RBM6: variants seen among roughly 807,000 people sequenced by gnomAD.
The protein encoded by RBM6 is RNA-binding protein 6.
RBM6 carries 23 observed loss-of-function variants against 140.4 expected under a neutral mutation model. That is an observed-to-expected ratio of 0.16 (90% CI 0.12 to 0.23). The LOEUF (loss-of-function observed/expected upper bound fraction) is 0.23, where lower values mean the gene tolerates loss of function less well. RBM6 is among the 10% of genes least tolerant of loss of function. The pLI is 1.00. For missense variants in RBM6, 1,139 were observed against 1,386.7 expected (o/e 0.82, Z 2.84); for synonymous variants, 439 against 475.6 (o/e 0.92, Z 1.00).
At chr3:50,029,834 G>A (rs1471327417) in intron 6 of RBM6, among the ~76,000 whole-genome samples, 1 of 152,040 alleles carries the variant, frequency 6.6e-6, no homozygotes, top group Non-Finnish European at 1.5e-5. Flanking sequence ...ACCAGCCTGG[G>A]CAACATAGTA....
At chr3:49,976,359 G>T (rs1423291372) in intron 5 of RBM6, among the ~76,000 whole-genome samples, 1 of 152,098 alleles carries the variant, frequency 6.6e-6, no homozygotes, top group Middle Eastern at 3.2e-3. Flanking sequence ...GAAAGAATAT[G>T]GTGTTAAGTT....
chr3:50,070,680 A>G, intron 19 of RBM6, 128 bp downstream of exon 19: 2 of 693,398 alleles, frequency 2.9e-6, no homozygotes, highest in Non-Finnish European at 2.5e-6. Flanking sequence ...CTGAACTGCT[A>G]AAACATGAGG....
At chr3:50,038,441 A>G (rs1414397329) in intron 6 of RBM6, among the ~76,000 whole-genome samples, 1 of 152,206 alleles carries the variant, frequency 6.6e-6, no homozygotes, top group Non-Finnish European at 1.5e-5. Context: ...TCAATGAAGC[A>G]TGCCTTGATG....
intron 3 of RBM6, 79 bp from the exon 4 acceptor site, chr3:49,971,980 G>T: frequency 9.6e-7 from 1 of 1,044,836 alleles, no homozygotes; most frequent in Non-Finnish European, 1.5e-6. Flanking sequence ...TTTTGATCCT[G>T]AGTGGCTAAA....
At chr3:49,999,627 C>A in intron 6 of RBM6, 114 bp downstream of exon 6, 1 of 900,422 alleles carries the variant, frequency 1.1e-6, no homozygotes, top group Non-Finnish European at 1.8e-6. Flanking sequence ...ATCTGTGGAG[C>A]ATACTGTATT....
chr3:49,991,916 G>A (rs1474178277), intron 5 of RBM6, among the ~76,000 whole-genome samples: 2 of 134,206 alleles, frequency 1.5e-5, no homozygotes, highest in African/African-American at 3.1e-5. Context: ...TCATCCCAGA[G>A]CCTTTATTTT....
At chr3:49,982,898 G>C (rs1466173440) in intron 5 of RBM6, among the ~76,000 whole-genome samples, 1 of 151,678 alleles carries the variant, frequency 6.6e-6, no homozygotes, top group East Asian at 1.9e-4. Context: ...TTTTAGTAGA[G>C]ACAGGGTTTC....
At chr3:50,051,224 C>T (rs762626171) in intron 7 of RBM6, among the ~76,000 whole-genome samples, 7 of 152,032 alleles carry the variant, frequency 4.6e-5, no homozygotes, top group Admixed American at 1.3e-4. Context: ...CCTATGATCG[C>T]GGCTACTAAG....
intron 1 of RBM6, among the ~76,000 whole-genome samples, chr3:49,959,661 C>G (rs1422146171): frequency 6.7e-6 from 1 of 150,100 alleles, no homozygotes; most frequent in Admixed American, 6.7e-5. Context: ...ACCTCCGCCT[C>G]CAGGGTTCAA....
intron 11 of RBM6, among the ~76,000 whole-genome samples, chr3:50,060,222 C>T (rs2089880849): frequency 6.6e-6 from 1 of 152,216 alleles, no homozygotes; most frequent in Non-Finnish European, 1.5e-5. Context: ...ATTCTTGCCC[C>T]TTGCAATCCT....
At position 49,967,962 on chromosome 3, in the gene RBM6, C is replaced by T. The variant is rs760590233; in HGVS notation, c.537C>T (p.Gly179=). Residue 179 remains glycine (G), a synonymous_variant, in exon 3 of 21, where the codon GGC becomes GGT. Transcript: ENST00000266022. This position sits in a 1 kb window ranked among gnomAD's most constrained non-coding sequence, Gnocchi z 4.0. ...CTCCATCTGACTTCAGGGGCCGGGG[C>T]ACTTATGATTTAGATTTTAGAGGCC... The part of the protein sequence containing the change: ...DAPPSDFRGR[G]TYDLDFRGRD... The T allele has an allele frequency of 6.2e-7, 1 of 1,614,062 alleles. No homozygotes were observed. Among genetic ancestry groups the T allele is most frequent in the Non-Finnish European group, 8.5e-7 (1 of 1,180,010 alleles).
At chr3:50,058,627 A>G in intron 10 of RBM6, 65 bp downstream of exon 10, 1 of 1,491,492 alleles carries the variant, frequency 6.7e-7, no homozygotes, top group South Asian at 1.1e-5. Context: ...AGAAGGTTTG[A>G]CTGGGGGCCG....
chr3:50,007,662 A>AG (rs1465791240), intron 6 of RBM6, among the ~76,000 whole-genome samples: 1 of 151,592 alleles, frequency 6.6e-6, no homozygotes, highest in Non-Finnish European at 1.5e-5. Context: ...CCTCCTGAGT[A>AG]GCTGGGACTA....
intron 6 of RBM6, among the ~76,000 whole-genome samples, chr3:50,011,259 T>C (rs1053270889): frequency 1.3e-5 from 2 of 152,034 alleles, no homozygotes; most frequent in African/African-American, 4.8e-5. Context: ...TTGCTAATGG[T>C]ATCTACTTAC....
chr3:50,063,582 G>A (rs1268949071), intron 15 of RBM6, among the ~76,000 whole-genome samples: 1 of 148,236 alleles, frequency 6.7e-6, no homozygotes, highest in Non-Finnish European at 1.5e-5. Flanking sequence ...GGACAACAGA[G>A]CCAGACTTGT....
intron 5 of RBM6, among the ~76,000 whole-genome samples, chr3:49,979,755 T>A (rs565500215): frequency 2.6e-5 from 4 of 152,268 alleles, no homozygotes; most frequent in South Asian, 2.1e-4. Context: ...TACAATTTTT[T>A]AAAAAGGCTA....
At chr3:49,983,638 G>C (rs2085410838) in intron 5 of RBM6, among the ~76,000 whole-genome samples, 1 of 152,196 alleles carries the variant, frequency 6.6e-6, no homozygotes, top group Non-Finnish European at 1.5e-5. Context: ...ACGATAGGCT[G>C]ATTGAAAAAT....
chr3:49,973,360 G>A (rs959093361), intron 4 of RBM6, among the ~76,000 whole-genome samples: 8 of 152,190 alleles, frequency 5.3e-5, no homozygotes, highest in African/African-American at 7.2e-5. Context: ...CTTGAATGCC[G>A]TGAGAGAACA....
intron 3 of RBM6, among the ~76,000 whole-genome samples, chr3:49,970,737 G>A (rs1009952619): frequency 1.3e-5 from 2 of 152,166 alleles, no homozygotes. Context: ...GCCTATGCTT[G>A]TAATTTCAGT....
Sources: allele counts gnomAD v4.1 joint callset (sites outside exome capture counted in the v4.1 genomes callset), GRCh38; gene constraint gnomAD v4.1.1; non-coding constraint Gnocchi (gnomAD v3.1); transcripts MANE v1.5; gene names NCBI Gene and HGNC (gene_info 2026-07-23, HGNC 2026-07-21).